The following VPS35 variants were observed in gnomAD, a reference collection of about 807,000 sequenced individuals.
VPS35 encodes the protein VPS35 retromer complex component, also known as vacuolar protein sorting-associated protein 35.
In VPS35, 21 loss-of-function variants were observed where a neutral mutation model predicts 98.1. The ratio of observed to expected loss-of-function variants is 0.21; its 90% CI spans 0.15 to 0.31. The LOEUF (loss-of-function observed/expected upper bound fraction) is 0.31, where lower values mean the gene tolerates loss of function less well. Ranked by LOEUF, VPS35 falls within the 10% of genes least tolerant of loss-of-function variation. The pLI, the probability that VPS35 is intolerant of heterozygous loss-of-function variation, is 1.00. For missense variants in VPS35, 554 were observed against 950.8 expected (o/e 0.58, Z 5.49); for synonymous variants, 268 against 318.2 (o/e 0.84, Z 1.68).
rs140762726 is a variant in VPS35 at position 46,688,573 on chromosome 16, G to A, written c.3+558C>T. 3.3e-3 allele frequency: 3,326 copies of A among 993,374 alleles called. 6 individuals are homozygous for A. The highest frequency in any genetic ancestry group is 3.8e-3 in the Non-Finnish European group (3,144 of 834,018). 61.5% of individuals were successfully genotyped at this position (993,374 alleles called of 1,614,324 possible). A position where few individuals can be genotyped will look rare whatever the true frequency, so the allele number is the denominator to read the frequency against. On this transcript the variant is annotated intron_variant, in intron 1 of 16. Transcript: ENST00000299138. ...GCCTGAGTCCTTCCAGGAAATTCAT[G>A]TAAGCAGGTCCCCAGAACTCGCTGA... is the stretch of plus-strand genomic sequence containing the variant.
intron 12 of VPS35, among the ~76,000 whole-genome samples, chr16:46,670,717 T>C (rs775250611): frequency 6.6e-6 from 1 of 152,178 alleles, no homozygotes; most frequent in Non-Finnish European, 1.5e-5. Flanking sequence ...ACAGATCACA[T>C]AGCTCACAGA....
chr16:46,657,349 C>G lies in VPS35; in HGVS notation c.*3123G>C, dbSNP rs922138088. 1 of 152,126 alleles carries G rather than the reference C, an allele frequency of 6.6e-6. No homozygotes were observed. Among genetic ancestry groups the G allele is most frequent in the Non-Finnish European group, 1.5e-5 (1 of 68,024 alleles). 9.4% of individuals were successfully genotyped at this position (152,126 alleles called of 1,614,324 possible). A position where few individuals can be genotyped will look rare whatever the true frequency, so the allele number is the denominator to read the frequency against. The stretch of plus-strand genomic sequence containing the variant: ...GTCAAAGACAATTCTGTTGGGAAAT[C>G]CTTTCTGCTTGAGCTTATTACCTTG... On this transcript the variant is annotated 3_prime_UTR_variant, in exon 17 of 17. Transcript: ENST00000299138.
rs372024197 is a variant in VPS35 at position 46,681,508 on chromosome 16, T to G, written c.200-8A>C. ...CATCAGAAATGGCCATATCTTTTAA[T>G]TATGATTAAGGACTAAAAATAAAAA... On this transcript the variant is annotated splice_polypyrimidine_tract_variant and splice_region_variant and intron_variant, in intron 3 of 16. Transcript: ENST00000299138. 2.5e-6 allele frequency: 4 copies of G among 1,611,844 alleles called. No individual in the cohort carries two copies. The highest frequency in any genetic ancestry group is 3.4e-6 in the Non-Finnish European group (4 of 1,179,354).
intron 8 of VPS35, among the ~76,000 whole-genome samples, chr16:46,675,106 T>TTTTTTTTTTTGAGACGG (rs1288019338): frequency 6.6e-6 from 1 of 150,672 alleles, no homozygotes; most frequent in Non-Finnish European, 1.5e-5. Flanking sequence ...AATTCATTTT[T>TTTTTTTTTTTGAGACGG]AACTAAACAG....
intron 13 of VPS35, among the ~76,000 whole-genome samples, chr16:46,668,395 AAAAC>A (rs772435838): frequency 1.4e-4 from 22 of 152,286 alleles, no homozygotes; most frequent in Non-Finnish European, 2.5e-4. Flanking sequence ...ACCCTATCTC[AAAAC>A]AAACAAACAA....
At chr16:46,681,706 A>T in intron 3 of VPS35, 1 of 602,014 alleles carries the variant, frequency 1.7e-6, no homozygotes, top group Non-Finnish European at 2.9e-6. Context: ...CAAAGCAGTA[A>T]ATACAATGGT....
intron 14 of VPS35, 106 bp from the exon 15 acceptor site, chr16:46,662,588 C>G: frequency 6.5e-7 from 1 of 1,543,780 alleles, no homozygotes; most frequent in Non-Finnish European, 8.8e-7. Flanking sequence ...ACTTCTGCAG[C>G]CTTCATATCA....
intron 5 of VPS35, among the ~76,000 whole-genome samples, chr16:46,679,472 A>T (rs1966200531): frequency 6.6e-6 from 1 of 152,204 alleles, no homozygotes; most frequent in South Asian, 2.1e-4. Flanking sequence ...TCATGTCCGT[A>T]ATCCAGTGCT....
rs1343545452 is a variant in VPS35, at chr16:46,657,386, TGA to T, written c.*3084_*3085del. 3.9e-5 allele frequency: 6 copies of T among 152,162 alleles called. No individual in the cohort carries two copies. The highest frequency in any genetic ancestry group is 3.3e-4 in the Admixed American group (5 of 15,266). The allele number at this position is 152,162 out of a possible 1,614,324, so 9.4% of individuals were successfully genotyped here. ...AGCTTATTACCTTGAGGTCTCTGAA[TGA>T]GAGAGCAAATGTTAACAGAAGACCC... On this transcript the variant is annotated 3_prime_UTR_variant, in exon 17 of 17. Transcript: ENST00000299138.
At position 46,663,857 on chromosome 16, in the gene VPS35, G is replaced by T. The variant is rs541035825; in HGVS notation, c.1648-695C>A. Among the ~76,000 whole-genome samples, 13 of 34,550 alleles carry T rather than the reference G, an allele frequency of 3.8e-4. No individual in the cohort carries two copies. In the East Asian group the frequency reaches 0.025, roughly 65 times the overall value. The allele number at this position is 34,550 out of a possible 152,430, so 22.7% of individuals were successfully genotyped here. A position where few individuals can be genotyped will look rare whatever the true frequency, so the allele number is the denominator to read the frequency against. ...ACTACAGGCTTGCATCACCACACCTGGCTAATTTTTTTTTTTTTTTTTTTT... is the reference window on the plus strand; with the variant it reads ...ACTACAGGCTTGCATCACCACACCTTGCTAATTTTTTTTTTTTTTTTTTTT... On this transcript the variant is annotated intron_variant, in intron 13 of 16. Coordinates refer to ENST00000299138, the MANE Select transcript of VPS35 (RefSeq NM_018206.6).
Position 46,660,687 on chromosome 16 carries a change from C to T in VPS35, c.2212-36G>A, listed in dbSNP as rs773446245. 1.2e-5 allele frequency: 19 copies of T among 1,591,146 alleles called. No individual in the cohort carries two copies. The Middle Eastern group carries it at 8.3e-4, about 69-fold the overall frequency. ...ATATGTACAAATTCATGATCAAGCA[C>T]GTACCACAAAAAATGAAAGGCAATT... On this transcript the variant is annotated intron_variant, in intron 16 of 16. Coordinates refer to ENST00000299138, the MANE Select transcript of VPS35 (RefSeq NM_018206.6).
intron 13 of VPS35, among the ~76,000 whole-genome samples, chr16:46,667,723 G>A (rs575061280): frequency 1.2e-4 from 19 of 152,020 alleles, no homozygotes; most frequent in East Asian, 3.9e-4. Flanking sequence ...GTCCAAATGC[G>A]TTCTTTTGCA....
chr16:46,678,112 G>A (rs1966178318), intron 6 of VPS35, among the ~76,000 whole-genome samples: 1 of 152,156 alleles, frequency 6.6e-6, no homozygotes, highest in Admixed American at 6.5e-5. Context: ...GGTAAACTGA[G>A]CTGCTGCTTG....
Position 46,658,918 on chromosome 16 carries a change from G to A in VPS35, c.*1554C>T, listed in dbSNP as rs1411062624. 1 of 152,210 alleles carries A rather than the reference G, an allele frequency of 6.6e-6. No individual in the cohort carries two copies. Among genetic ancestry groups the A allele is most frequent in the Non-Finnish European group, 1.5e-5 (1 of 68,030 alleles). 9.4% of individuals were successfully genotyped at this position (152,210 alleles called of 1,614,324 possible). ...ATAAATTTTCCCTTTAAGAGGTGGA[G>A]CTTAATTCTCCTTACCCTTGAATAT... On this transcript the variant is annotated 3_prime_UTR_variant, in exon 17 of 17. Transcript: ENST00000299138.
At position 46,681,292 on chromosome 16, in the gene VPS35, C is replaced by T. The variant is rs1431151774; in HGVS notation, c.323+85G>A. 3.2e-6 allele frequency: 5 copies of T among 1,581,788 alleles called. No homozygotes were observed. In the African/African-American group the frequency reaches 5.4e-5, roughly 17 times the overall value. On this transcript the variant is annotated intron_variant, in intron 4 of 16. Coordinates refer to ENST00000299138, the MANE Select transcript of VPS35 (RefSeq NM_018206.6). The stretch of plus-strand genomic sequence containing the variant: ...ATTTGTTAAGAAGTTACCCTTAAAA[C>T]TTTTTCTTAAGCTGATAATCATAAA...
Position 46,656,164 on chromosome 16 carries a change from TG to T in VPS35, c.*4307del, listed in dbSNP as rs1965842150. The T allele has an allele frequency of 6.6e-6, 1 of 152,202 alleles. No homozygotes were observed. The highest frequency in any genetic ancestry group is 6.5e-5 in the Admixed American group (1 of 15,288). 9.4% of individuals were successfully genotyped at this position (152,202 alleles called of 1,614,324 possible). The stretch of plus-strand genomic sequence containing the variant: ...GTGCATAGATTTTACATTTTACATT[TG>T]CAAAACCATACTAGAAGATACGGCT... On this transcript the variant is annotated 3_prime_UTR_variant, in exon 17 of 17. Transcript: ENST00000299138.
rs369756092 is a variant in VPS35, at chr16:46,660,189, G to GTTTTTTTTTTTTTT, written c.*282_*283insAAAAAAAAAAAAAA. 8.1e-5 allele frequency: 8 copies of GTTTTTTTTTTTTTT among 98,310 alleles called. 3 individuals are homozygous for GTTTTTTTTTTTTTT. The South Asian group carries it at 1.4e-3, about 18-fold the overall frequency. The allele number at this position is 98,310 out of a possible 1,614,324, so 6.1% of individuals were successfully genotyped here. A position where few individuals can be genotyped will look rare whatever the true frequency, so the allele number is the denominator to read the frequency against. On this transcript the variant is annotated 3_prime_UTR_variant, in exon 17 of 17. Transcript: ENST00000299138. ...GCCAAGATAAGTGCTTGTGGGTTTT[G>GTTTTTTTTTTTTTT]TGTTTTTTTTTTTTTTTTTTTTTAC...
chr16:46,681,303 G>A, intron 4 of VPS35, 74 bp downstream of exon 4: 1 of 1,595,876 alleles, frequency 6.3e-7, no homozygotes, highest in Non-Finnish European at 8.6e-7. Context: ...TTTTTCTTAA[G>A]CTGATAATCA....
At chr16:46,668,878 C>G in intron 13 of VPS35, 52 bp downstream of exon 13, 3 of 1,609,368 alleles carry the variant, frequency 1.9e-6, no homozygotes, top group Non-Finnish European at 2.5e-6. Context: ...CACACACACT[C>G]AGAGTGATGA....
Sources: gnomAD v4.1 joint callset for allele counts (sites outside exome capture counted in the v4.1 genomes callset) on GRCh38, gnomAD v4.1.1 for gene constraint, MANE v1.5 for transcripts, NCBI Gene and HGNC (gene_info 2026-07-23, HGNC 2026-07-21) for gene names.